Variants in DHRSX observed in about 807,000 individuals in gnomAD.
DHRSX encodes polyprenol dehydrogenase.
In DHRSX, 31 loss-of-function variants were observed where a neutral mutation model predicts 34.0. The ratio of observed to expected loss-of-function variants is 0.91; its 90% CI spans 0.69 to 1.23. The LOEUF (loss-of-function observed/expected upper bound fraction) is 1.23. Among genes scored for constraint, DHRSX ranks in the 50% most tolerant of loss-of-function variants. The probability of loss-of-function intolerance (pLI) is 0.00; values close to 1 mark genes in which losing one functional copy is unlikely to be tolerated. For synonymous variants in DHRSX, 201 were observed against 183.8 expected (o/e 1.09, Z -0.76); for missense variants, 414 against 428.1 (o/e 0.97, Z 0.29).
chrX:2,443,685 CGT>C (rs2044090696), intron 1 of DHRSX, among the ~76,000 whole-genome samples: 1 of 151,898 alleles, frequency 6.6e-6, no homozygotes, highest in African/African-American at 2.4e-5. Flanking sequence ...GAGAATAACT[CGT>C]GTGAGAGAAG....
At chrX:2,470,849 A>G (rs2044580439) in intron 1 of DHRSX, among the ~76,000 whole-genome samples, 1 of 152,204 alleles carries the variant, frequency 6.6e-6, no homozygotes, top group South Asian at 2.1e-4. Flanking sequence ...ACATATTCTC[A>G]CTACAAAAAA....
chrX:2,272,814 C>T (rs1405596406), intron 4 of DHRSX, among the ~76,000 whole-genome samples: 1 of 152,158 alleles, frequency 6.6e-6, no homozygotes, highest in African/African-American at 2.4e-5. Context: ...ACCCCCCAGG[C>T]AGAACTGCCT....
intron 3 of DHRSX, among the ~76,000 whole-genome samples, chrX:2,310,069 A>T (rs1454570204): frequency 6.6e-6 from 1 of 152,114 alleles, no homozygotes; most frequent in African/African-American, 2.4e-5. Flanking sequence ...GTCCCTACGC[A>T]TCCTAATAAA....
At chrX:2,399,435 GAT>G (rs2043456814) in intron 3 of DHRSX, among the ~76,000 whole-genome samples, 1 of 150,858 alleles carries the variant, frequency 6.6e-6, no homozygotes, top group African/African-American at 2.4e-5. Flanking sequence ...GGCCAGGCGT[GAT>G]AGCTCACGCC....
chrX:2,421,108 G>A (rs2043774117), intron 2 of DHRSX, among the ~76,000 whole-genome samples: 1 of 152,190 alleles, frequency 6.6e-6, no homozygotes, highest in East Asian at 1.9e-4. Context: ...TCTGGGCACA[G>A]TGGCTCACAC....
chrX:2,298,146 C>T (rs1225961454), intron 3 of DHRSX, among the ~76,000 whole-genome samples: 1 of 151,996 alleles, frequency 6.6e-6, no homozygotes, highest in South Asian at 2.1e-4. Flanking sequence ...TGGAGTGATA[C>T]AGCCACAAGC....
At chrX:2,482,727 A>G (rs983088423) in intron 1 of DHRSX, among the ~76,000 whole-genome samples, 2 of 152,158 alleles carry the variant, frequency 1.3e-5, no homozygotes, top group Admixed American at 6.5e-5. Flanking sequence ...ATCCTGCAGT[A>G]ACTGCCTATT....
At chrX:2,322,481 G>A (rs1480851706) in intron 3 of DHRSX, among the ~76,000 whole-genome samples, 10 of 150,544 alleles carry the variant, frequency 6.6e-5, no homozygotes, top group Admixed American at 2.0e-4. Context: ...CGTGGGAGGC[G>A]TAGGCTGTAC....
intron 4 of DHRSX, among the ~76,000 whole-genome samples, chrX:2,290,247 A>G (rs2041850133): frequency 6.6e-6 from 1 of 152,180 alleles, no homozygotes; most frequent in Admixed American, 6.6e-5. Context: ...CCTATCCTCC[A>G]ATCCCATTAA....
chrX:2,475,591 A>C (rs1317359444), intron 1 of DHRSX, among the ~76,000 whole-genome samples: 1 of 152,002 alleles, frequency 6.6e-6, no homozygotes, highest in Admixed American at 6.5e-5. Context: ...TTCCCTAGGC[A>C]TGTGGCCAAG....
intron 2 of DHRSX, among the ~76,000 whole-genome samples, chrX:2,415,923 C>A (rs1011356409): frequency 4.6e-5 from 7 of 151,150 alleles, no homozygotes; most frequent in African/African-American, 1.5e-4. Flanking sequence ...CTCATCAGAA[C>A]CTAACTAGAT....
chrX:2,434,230 T>C (rs1407534404), intron 1 of DHRSX, among the ~76,000 whole-genome samples: 2 of 152,206 alleles, frequency 1.3e-5, no homozygotes, highest in African/African-American at 2.4e-5. Flanking sequence ...TTGTGAGCTT[T>C]CATCAATCAC....
rs770293952 is a variant in DHRSX at position 2,266,761 on chromosome X, T to C, written c.575A>G (p.Asn192Ser). 1.2e-6 allele frequency: 2 copies of C among 1,613,982 alleles called. No homozygotes were observed. The highest frequency in any genetic ancestry group is 1.1e-5 in the South Asian group (1 of 91,070). The change falls in exon 5 of 7, where the codon AAC becomes AGC. Residue 192 changes from asparagine (N) to serine (S), a missense_variant. Coordinates refer to ENST00000334651, the MANE Select transcript of DHRSX (RefSeq NM_145177.3). ...CTACCTGCTCTGAAGGTCATCCATGTTCAGCTCAGCGACGTAATGGGTGGC... is the reference window on the plus strand; with the variant it reads ...CTACCTGCTCTGAAGGTCATCCATGCTCAGCTCAGCGACGTAATGGGTGGC... ...SSATHYVAEL[N>S]MDDLQSSACY...
intron 5 of DHRSX, among the ~76,000 whole-genome samples, chrX:2,257,453 T>C (rs990307883): frequency 5.3e-5 from 8 of 152,330 alleles, no homozygotes; most frequent in Admixed American, 3.9e-4. Flanking sequence ...TACCACCATC[T>C]GGTCATCTAG....
Position 2,460,376 on chromosome X carries a change from G to A in DHRSX, c.110-35072C>T, listed in dbSNP as rs1488229607. Among the ~76,000 whole-genome samples, 15 of 152,206 alleles carry A rather than the reference G, an allele frequency of 9.9e-5. No homozygotes were observed. In the East Asian group the frequency reaches 1.2e-3, roughly 12 times the overall value. ...TAGCCCAGCTGGGAAGAAATGGAAC[G>A]TTCTGGGGGACACTGATTTTCACAT... On this transcript the variant is annotated intron_variant, in intron 1 of 6. Transcript: ENST00000334651.
At chrX:2,488,784 A>T (rs1280153023) in intron 1 of DHRSX, 1 of 1,613,830 alleles carries the variant, frequency 6.2e-7, no homozygotes, top group Admixed American at 1.7e-5. Flanking sequence ...TCATACAGAA[A>T]CACCTGCTCG....
chrX:2,254,414 C>T (rs749494023), intron 5 of DHRSX, among the ~76,000 whole-genome samples: 1 of 152,114 alleles, frequency 6.6e-6, no homozygotes, highest in Non-Finnish European at 1.5e-5. Context: ...AACCTGATGA[C>T]AATCACTGTT....
At chrX:2,479,547 C>T (rs1326929990) in intron 1 of DHRSX, among the ~76,000 whole-genome samples, 1 of 149,894 alleles carries the variant, frequency 6.7e-6, no homozygotes, top group Non-Finnish European at 1.5e-5. Flanking sequence ...GCCACATGTG[C>T]ACACTGAAGA....
At chrX:2,369,820 T>C (rs753762234) in intron 3 of DHRSX, among the ~76,000 whole-genome samples, 16 of 152,182 alleles carry the variant, frequency 1.1e-4, no homozygotes, top group Non-Finnish European at 2.2e-4. Flanking sequence ...ATTTTTTGTA[T>C]TTTAGTAGAG....
Sources: allele counts gnomAD v4.1 joint callset (sites outside exome capture counted in the v4.1 genomes callset), GRCh38; gene constraint gnomAD v4.1.1; transcripts MANE v1.5; gene names NCBI Gene and HGNC (gene_info 2026-07-23, HGNC 2026-07-21).